The following PLCL1 variants were observed in gnomAD, a reference collection of about 807,000 sequenced individuals.
The protein encoded by PLCL1 is phospholipase C like 1 (inactive).
A neutral mutation model predicts 84.4 loss-of-function variants in PLCL1; 41 were observed. That is an observed-to-expected ratio of 0.49 (90% CI 0.38 to 0.63). The LOEUF is 0.63. PLCL1 is among the 30% of genes least tolerant of loss of function. PLCL1 has a pLI of 0.00. For missense variants in PLCL1, 1,206 were observed against 1,367.8 expected (o/e 0.88, Z 1.87); for synonymous variants, 490 against 488.3 (o/e 1.00, Z -0.05).
At chr2:197,979,489 C>T (rs1049117609) in intron 1 of PLCL1, among the ~76,000 whole-genome samples, 1 of 152,172 alleles carries the variant, frequency 6.6e-6, no homozygotes. Context: ...GGATTTCTGA[C>T]CCTCACCACC....
At chr2:197,813,086 G>C (rs1690620385) in intron 1 of PLCL1, among the ~76,000 whole-genome samples, 1 of 152,160 alleles carries the variant, frequency 6.6e-6, no homozygotes, top group African/African-American at 2.4e-5. Context: ...ATGGTCAGCA[G>C]GGGGAGAGTA....
chr2:198,070,591 T>C (rs563571899), intron 1 of PLCL1, among the ~76,000 whole-genome samples: 1 of 152,152 alleles, frequency 6.6e-6, no homozygotes, highest in African/African-American at 2.4e-5. Flanking sequence ...TTAAGGGCTA[T>C]TTTTACATAT....
chr2:197,996,314 A>G (rs964840106), intron 1 of PLCL1, among the ~76,000 whole-genome samples: 3 of 152,192 alleles, frequency 2.0e-5, no homozygotes. Flanking sequence ...GGAACAGCAC[A>G]GGGCATTTTT....
chr2:197,805,148 GC>G lies in PLCL1; in HGVS notation c.50del (p.Ala17GlyfsTer18). ...GGAGGATCCGGCGCCGCCCGACGCG[GC>G]GGGGGGCGAAGACGACCCCCGAGTG... ...GREDPAPPDA[A>X]GGEDDPRVGP... On this transcript the variant is annotated frameshift_variant, in exon 1 of 6. Transcript: ENST00000428675. LOFTEE classifies it high-confidence loss of function. The surrounding 1 kb of genome is among the most constrained non-coding windows in gnomAD (Gnocchi z 4.0). 1 of 1,307,216 alleles carries G rather than the reference GC, an allele frequency of 7.6e-7. No individual in the cohort carries two copies. The highest frequency in any genetic ancestry group is 9.7e-7 in the Non-Finnish European group (1 of 1,032,746). 81.0% of individuals were successfully genotyped at this position (1,307,216 alleles called of 1,614,324 possible).
At chr2:197,863,404 C>G (rs1687470731) in intron 1 of PLCL1, among the ~76,000 whole-genome samples, 1 of 152,060 alleles carries the variant, frequency 6.6e-6, no homozygotes, top group African/African-American at 2.4e-5. Context: ...GACTATTAGT[C>G]TGATAACAGA....
chr2:197,911,074 G>A (rs1688475959), intron 1 of PLCL1, among the ~76,000 whole-genome samples: 1 of 152,158 alleles, frequency 6.6e-6, no homozygotes, highest in African/African-American at 2.4e-5. Flanking sequence ...CACTGATTCA[G>A]TCATCTTTTA....
intron 1 of PLCL1, among the ~76,000 whole-genome samples, chr2:197,884,025 C>A (rs1433957433): frequency 6.6e-6 from 1 of 152,188 alleles, no homozygotes; most frequent in African/African-American, 2.4e-5. Flanking sequence ...CAAGTAACTT[C>A]TCTGACACTA....
chr2:198,038,376 C>T (rs1691590751), intron 1 of PLCL1, among the ~76,000 whole-genome samples: 1 of 152,036 alleles, frequency 6.6e-6, no homozygotes, highest in African/African-American at 2.4e-5. Context: ...TGCTTAATAC[C>T]TTGTTAAAGA....
At chr2:198,006,483 C>T (rs1230293460) in intron 1 of PLCL1, among the ~76,000 whole-genome samples, 1 of 152,140 alleles carries the variant, frequency 6.6e-6, no homozygotes, top group South Asian at 2.1e-4. Context: ...GAATTTTCCT[C>T]TTAAGAACTC....
intron 1 of PLCL1, among the ~76,000 whole-genome samples, chr2:197,891,357 G>C (rs183620685): frequency 7.2e-5 from 11 of 152,226 alleles, no homozygotes; most frequent in Admixed American, 5.9e-4. Flanking sequence ...GAATCACCTG[G>C]GAGAGTGATT....
chr2:197,943,627 CTTT>C (rs5837573), intron 1 of PLCL1, among the ~76,000 whole-genome samples: 89 of 119,196 alleles, frequency 7.5e-4, no homozygotes, highest in Non-Finnish European at 1.1e-3. Flanking sequence ...TTGGTTACAT[CTTT>C]TTTTTTTTTT....
intron 1 of PLCL1, among the ~76,000 whole-genome samples, chr2:197,963,861 G>A (rs1327000141): frequency 6.6e-6 from 1 of 152,088 alleles, no homozygotes; most frequent in Non-Finnish European, 1.5e-5. Context: ...TTTCCCCAAT[G>A]TATGTTTTTG....
chr2:198,082,975 A>G (rs779750414), intron 1 of PLCL1, among the ~76,000 whole-genome samples: 3 of 152,220 alleles, frequency 2.0e-5, no homozygotes, highest in Non-Finnish European at 2.9e-5. Flanking sequence ...GGACACTTCC[A>G]GAAATGGCAT....
intron 1 of PLCL1, among the ~76,000 whole-genome samples, chr2:197,926,647 C>T (rs1194781326): frequency 6.6e-6 from 1 of 152,140 alleles, no homozygotes; most frequent in Non-Finnish European, 1.5e-5. Flanking sequence ...GTATTTTTAT[C>T]ATTTGTCTAC....
intron 2 of PLCL1, among the ~76,000 whole-genome samples, chr2:198,086,724 T>C (rs1257963474): frequency 6.6e-6 from 1 of 152,238 alleles, no homozygotes; most frequent in Non-Finnish European, 1.5e-5. Context: ...TAACTGTGAA[T>C]GCTATGTTAA....
At chr2:197,959,152 T>C (rs975776524) in intron 1 of PLCL1, among the ~76,000 whole-genome samples, 2 of 152,042 alleles carry the variant, frequency 1.3e-5, no homozygotes, top group African/African-American at 4.8e-5. Context: ...ACAGAACTAA[T>C]ATGATATGTG....
At chr2:197,969,373 G>C (rs1689813974) in intron 1 of PLCL1, among the ~76,000 whole-genome samples, 1 of 152,148 alleles carries the variant, frequency 6.6e-6, no homozygotes, top group Non-Finnish European at 1.5e-5. Flanking sequence ...GCTTTCTCAA[G>C]GCTAGACTCT....
chr2:197,950,990 G>GTATTT (rs780924312), intron 1 of PLCL1, among the ~76,000 whole-genome samples: 6 of 152,080 alleles, frequency 3.9e-5, no homozygotes, highest in Admixed American at 6.6e-5. Context: ...ATATTGTATT[G>GTATTT]TGTTCCCTTC....
At chr2:197,987,520 A>C (rs1409982353) in intron 1 of PLCL1, among the ~76,000 whole-genome samples, 1 of 152,180 alleles carries the variant, frequency 6.6e-6, no homozygotes, top group Non-Finnish European at 1.5e-5. Flanking sequence ...GACTCCTGGA[A>C]GCATTTGAGT....
Sources: gnomAD v4.1 joint callset for allele counts (sites outside exome capture counted in the v4.1 genomes callset) on GRCh38, gnomAD v4.1.1 for gene constraint, Gnocchi (gnomAD v3.1) non-coding constraint, MANE v1.5 for transcripts, NCBI Gene and HGNC (gene_info 2026-07-23, HGNC 2026-07-21) for gene names.